Variants in KLHL13 observed in about 807,000 individuals in gnomAD.
The protein encoded by KLHL13 is kelch-like protein 13.
KLHL13 carries 10 observed loss-of-function variants against 37.1 expected under a neutral mutation model. The ratio of observed to expected loss-of-function variants is 0.27; its 90% CI spans 0.17 to 0.46. KLHL13 has a LOEUF of 0.46. Ranked by LOEUF, KLHL13 falls within the 20% of genes least tolerant of loss-of-function variation. The pLI is 1.00. For missense variants in KLHL13, 360 were observed against 509.3 expected (o/e 0.71, Z 2.82); for synonymous variants, 163 against 181.2 (o/e 0.90, Z 0.81).
chrX:118,109,474 C>T (rs964287491), intron 1 of KLHL13, among the ~76,000 whole-genome samples: 1 of 112,131 alleles, frequency 8.9e-6, no homozygotes, highest in Non-Finnish European at 1.9e-5. Flanking sequence ...TGGGGTTTGC[C>T]TCAGATTTTC....
intron 2 of KLHL13, among the ~76,000 whole-genome samples, chrX:117,929,878 T>C (rs1427527080): frequency 1.8e-5 from 2 of 108,479 alleles, no homozygotes; most frequent in African/African-American, 6.7e-5. Context: ...GGTAGGAGGA[T>C]TGCTTGTGCC....
At chrX:118,074,425 T>C (rs918883189) in intron 1 of KLHL13, among the ~76,000 whole-genome samples, 1 of 111,836 alleles carries the variant, frequency 8.9e-6, no homozygotes, top group Non-Finnish European at 1.9e-5. Context: ...TTTTTCTTAG[T>C]AAATCGTGTT....
rs373524431 is a variant in KLHL13 at position 117,962,313 on chromosome X, GT to G, written c.98+10417del. On this transcript the variant is annotated intron_variant, in intron 1 of 6. Coordinates refer to ENST00000262820, the Ensembl canonical transcript of KLHL13. The stretch of plus-strand genomic sequence containing the variant: ...AGAAAAGAAATACATAGAGGTTTGG[GT>G]TTTTTTTTTTCATTGAGTATTTGCA... Among the ~76,000 whole-genome samples the G allele has an allele frequency of 2.3e-3, 234 of 103,962 alleles. 2 individuals are homozygous for G. Among genetic ancestry groups the G allele is most frequent in the African/African-American group, 6.8e-3 (194 of 28,609 alleles). The allele number at this position is 103,962 out of a possible 115,157, so 90.3% of individuals were successfully genotyped here.
chrX:118,063,591 T>C (rs2054764798), intron 1 of KLHL13, among the ~76,000 whole-genome samples: 2 of 111,652 alleles, frequency 1.8e-5, no homozygotes, highest in Non-Finnish European at 3.8e-5. Context: ...AAGTATGTCA[T>C]GCTATATTAG....
chrX:117,994,638 C>T (rs1301863971), intron 1 of KLHL13, among the ~76,000 whole-genome samples: 3 of 112,131 alleles, frequency 2.7e-5, no homozygotes, highest in African/African-American at 3.2e-5. Context: ...TCCTCTGTTC[C>T]AGTCTCACTG....
At chrX:118,106,473 T>TA (rs2055348235) in intron 1 of KLHL13, among the ~76,000 whole-genome samples, 1 of 112,058 alleles carries the variant, frequency 8.9e-6, no homozygotes. Flanking sequence ...ACTGCCTTTT[T>TA]ATCATCAAAT....
intron 1 of KLHL13, among the ~76,000 whole-genome samples, chrX:117,957,702 A>T (rs1280864282): frequency 9.0e-6 from 1 of 111,701 alleles, no homozygotes; most frequent in Non-Finnish European, 1.9e-5. Context: ...TTTGAGTGTT[A>T]ATTTTTAATT....
At chrX:117,963,576 T>C (rs977720547) in intron 1 of KLHL13, among the ~76,000 whole-genome samples, 32 of 106,003 alleles carry the variant, frequency 3.0e-4, no homozygotes, top group Admixed American at 2.5e-3. Flanking sequence ...CCTTTGGGTA[T>C]ATACCCAGTA....
chrX:117,977,799 T>C (rs1358955821), upstream of KLHL13, among the ~76,000 whole-genome samples: 2 of 112,146 alleles, frequency 1.8e-5, no homozygotes, highest in African/African-American at 3.2e-5. Context: ...CACACAAAAT[T>C]CTGGACAGCA....
intron 1 of KLHL13, among the ~76,000 whole-genome samples, chrX:117,990,202 A>G (rs1195848665): frequency 1.8e-5 from 2 of 111,973 alleles, no homozygotes; most frequent in East Asian, 5.6e-4. Context: ...TGATGTTTGC[A>G]TGACAGACCC....
At chrX:118,071,253 G>C (rs776058093) in intron 1 of KLHL13, among the ~76,000 whole-genome samples, 11 of 111,580 alleles carry the variant, frequency 9.9e-5, no homozygotes, top group African/African-American at 2.6e-4. Context: ...ATGATTTATA[G>C]TCCTTTGGGT....
intron 1 of KLHL13, among the ~76,000 whole-genome samples, chrX:118,007,582 T>C (rs2147980222): frequency 9.0e-6 from 1 of 111,684 alleles, no homozygotes; most frequent in South Asian, 3.8e-4. Context: ...GTTGTTTGTT[T>C]CCCCTAAAAC....
chrX:118,008,964 A>G lies in KLHL13; in HGVS notation c.-55-63389T>C, dbSNP rs147807171. On this transcript the variant is annotated intron_variant, in intron 1 of 6. Coordinates refer to the KLHL13 transcript ENST00000371882. ...AAGTAACGCTATTTAAGTGTTAGCT[A>G]TTATAATGACTCTTGCCAATACAAC... Among the ~76,000 whole-genome samples the G allele has an allele frequency of 5.4e-3, 607 of 112,159 alleles. 2 individuals carry two copies. Among genetic ancestry groups the G allele is most frequent in the Non-Finnish European group, 9.4e-3 (498 of 53,242 alleles).
At chrX:117,941,614 T>C (rs1933036976) in intron 2 of KLHL13, among the ~76,000 whole-genome samples, 1 of 112,040 alleles carries the variant, frequency 8.9e-6, no homozygotes, top group Non-Finnish European at 1.9e-5. Context: ...ATTTTCTAGT[T>C]TATTTGCATA....
intron 1 of KLHL13, among the ~76,000 whole-genome samples, chrX:118,071,075 A>C (rs953037630): frequency 4.5e-5 from 5 of 111,562 alleles, no homozygotes; most frequent in African/African-American, 1.6e-4. Context: ...GTCCCTACAA[A>C]GGACATGAAC....
At chrX:117,913,848 G>GAAAAAAAAAAAAAA (rs1201645166) in intron 4 of KLHL13, among the ~76,000 whole-genome samples, 1 of 57,346 alleles carries the variant, frequency 1.7e-5, no homozygotes, top group Admixed American at 1.9e-4. Flanking sequence ...TCAAAAAAAA[G>GAAAAAAAAAAAAAA]AAAAAAAAAA....
chrX:117,952,350 T>C (rs1933658856), intron 1 of KLHL13, among the ~76,000 whole-genome samples: 1 of 110,341 alleles, frequency 9.1e-6, no homozygotes, highest in Non-Finnish European at 1.9e-5. Context: ...TGGCTAGCCA[T>C]ATGGAGAAAG....
intron 1 of KLHL13, among the ~76,000 whole-genome samples, chrX:118,070,104 T>C (rs975822996): frequency 2.7e-5 from 3 of 112,536 alleles, no homozygotes; most frequent in South Asian, 3.7e-4. Context: ...CTATACCATA[T>C]AGCCTAGGTG....
rs763639038 is a variant in KLHL13 at position 118,087,186 on chromosome X, T to C, written c.-56+29322A>G. Among the ~76,000 whole-genome samples, 5 of 110,768 alleles carry C rather than the reference T, an allele frequency of 4.5e-5. No homozygotes were observed. In the South Asian group the frequency reaches 1.9e-3, roughly 42 times the overall value. On this transcript the variant is annotated intron_variant, in intron 1 of 6. Coordinates refer to the KLHL13 transcript ENST00000371882. Reference sequence around the variant, plus strand: ...TTACAGATCAAATGGGTCCTGCCACTTACACAATGCTTAATTTCCCTCTAA... The same window carrying C: ...TTACAGATCAAATGGGTCCTGCCACCTACACAATGCTTAATTTCCCTCTAA...
Sources: gnomAD v4.1 joint callset for allele counts (sites outside exome capture counted in the v4.1 genomes callset) on GRCh38, gnomAD v4.1.1 for gene constraint, MANE v1.5 for transcripts, NCBI Gene and HGNC (gene_info 2026-07-23, HGNC 2026-07-21) for gene names.